ATRNL1: variants seen among roughly 807,000 people sequenced by gnomAD.
ATRNL1 encodes the protein attractin like 1.
Under a neutral mutation model 182.7 loss-of-function variants are expected in ATRNL1, and 95 were observed. The ratio of observed to expected loss-of-function variants is 0.52; its 90% CI spans 0.44 to 0.62. The LOEUF is 0.62. ATRNL1 is among the 20% of genes least tolerant of loss of function. The probability of loss-of-function intolerance (pLI) is 0.00; values close to 1 mark genes in which losing one functional copy is unlikely to be tolerated. For missense variants in ATRNL1, 1,471 were observed against 1,679.5 expected (o/e 0.88, Z 2.17); for synonymous variants, 576 against 568.3 (o/e 1.01, Z -0.19).
intron 28 of ATRNL1, among the ~76,000 whole-genome samples, chr10:115,876,731 T>C (rs192466892): frequency 1.4e-4 from 21 of 152,368 alleles, no homozygotes; most frequent in Admixed American, 2.6e-4. Context: ...GTCGTGTACA[T>C]TGAAAAATAA....
intron 10 of ATRNL1, among the ~76,000 whole-genome samples, chr10:115,255,849 G>A (rs1385963427): frequency 6.6e-6 from 1 of 152,144 alleles, no homozygotes; most frequent in Admixed American, 6.6e-5. Flanking sequence ...TAGCCTGAAG[G>A]GCTGTTGAAT....
intron 26 of ATRNL1, among the ~76,000 whole-genome samples, chr10:115,702,201 T>C (rs1946759153): frequency 6.6e-6 from 1 of 151,854 alleles, no homozygotes; most frequent in Admixed American, 6.6e-5. Flanking sequence ...CCAAAAAGTT[T>C]TCAATAAAAT....
At chr10:115,849,445 C>T (rs1327761274) in intron 28 of ATRNL1, among the ~76,000 whole-genome samples, 1 of 152,150 alleles carries the variant, frequency 6.6e-6, no homozygotes, top group African/African-American at 2.4e-5. Flanking sequence ...CTCGATCCTT[C>T]ACGAGATGGG....
intron 26 of ATRNL1, among the ~76,000 whole-genome samples, chr10:115,564,414 C>A (rs1555000886): frequency 1.3e-5 from 2 of 151,888 alleles, no homozygotes; most frequent in East Asian, 3.9e-4. Flanking sequence ...CCAATTTGTT[C>A]TAGTTCCTTG....
chr10:115,586,497 A>T (rs1555009964), intron 26 of ATRNL1, among the ~76,000 whole-genome samples: 2 of 92,712 alleles, frequency 2.2e-5, no homozygotes, highest in African/African-American at 2.9e-5. Flanking sequence ...ACTTCATTTC[A>T]TTCATTTCGT....
At chr10:115,814,586 C>T (rs782761173) in intron 27 of ATRNL1, among the ~76,000 whole-genome samples, 4 of 152,132 alleles carry the variant, frequency 2.6e-5, no homozygotes, top group Admixed American at 2.0e-4. Flanking sequence ...AGCGATTGCT[C>T]ACTGGACAAG....
chr10:115,773,374 G>A (rs1410336056), intron 27 of ATRNL1, among the ~76,000 whole-genome samples: 1 of 152,120 alleles, frequency 6.6e-6, no homozygotes, highest in Non-Finnish European at 1.5e-5. Flanking sequence ...ACTACAAAGG[G>A]AGCACAAGAA....
At chr10:115,657,659 G>A (rs546875537) in intron 26 of ATRNL1, among the ~76,000 whole-genome samples, 6 of 152,120 alleles carry the variant, frequency 3.9e-5, no homozygotes, top group East Asian at 3.9e-4. Flanking sequence ...TAGAATTCCC[G>A]GCCCATTAAA....
rs199732131 is a variant in ATRNL1, at chr10:115,433,761, TAGA to T, written c.3322+7465_3322+7467del. Among the ~76,000 whole-genome samples, 646 of 152,298 alleles carry T rather than the reference TAGA, an allele frequency of 4.2e-3. 6 individuals carry two copies. The highest frequency in any genetic ancestry group is 0.015 in the African/African-American group (617 of 41,576). On this transcript the variant is annotated intron_variant, in intron 21 of 28. Coordinates refer to ENST00000355044, the MANE Select transcript of ATRNL1 (RefSeq NM_207303.4). Reference sequence around the variant, plus strand: ...GAAAAAAATTGCTATTAAGTTAATGTAGAAGAAGGATGAAAATTTATTTGACTT... The same window carrying T: ...GAAAAAAATTGCTATTAAGTTAATGTAGAAGGATGAAAATTTATTTGACTT...
At chr10:115,908,076 C>A (rs1952556724) in intron 28 of ATRNL1, among the ~76,000 whole-genome samples, 1 of 152,182 alleles carries the variant, frequency 6.6e-6, no homozygotes, top group Non-Finnish European at 1.5e-5. Context: ...AGATCTACTT[C>A]CTACAAGAAA....
chr10:115,879,906 TG>T (rs1951789187), intron 28 of ATRNL1, among the ~76,000 whole-genome samples: 1 of 152,104 alleles, frequency 6.6e-6, no homozygotes, highest in South Asian at 2.1e-4. Flanking sequence ...TGCAGAAGCC[TG>T]GGGTCAGGGT....
rs1845288353 is a variant in ATRNL1 at position 115,414,373 on chromosome 10, C to T, written c.3270-11877C>T. On this transcript the variant is annotated intron_variant, in intron 20 of 28. Coordinates refer to ENST00000355044, the MANE Select transcript of ATRNL1 (RefSeq NM_207303.4). ...TCATTCCTTTTTTCCCTCTTCTCTT[C>T]TTCCCCTTACCTCTCCTCCTATTTC... Among the ~76,000 whole-genome samples the T allele has an allele frequency of 2.0e-5, 3 of 151,160 alleles. No homozygotes were observed. The South Asian group carries it at 6.2e-4, about 31-fold the overall frequency.
intron 24 of ATRNL1, among the ~76,000 whole-genome samples, chr10:115,504,578 C>T (rs1554980829): frequency 6.6e-6 from 1 of 151,966 alleles, no homozygotes; most frequent in African/African-American, 2.4e-5. Context: ...AATTTTGACA[C>T]TGTATAGTAT....
At chr10:115,668,631 G>C (rs1273665663) in intron 26 of ATRNL1, among the ~76,000 whole-genome samples, 1 of 152,070 alleles carries the variant, frequency 6.6e-6, no homozygotes, top group Non-Finnish European at 1.5e-5. Flanking sequence ...ACTCAGTTCT[G>C]TGTTCTGTGT....
At chr10:115,749,400 G>A (rs1166518714) in intron 27 of ATRNL1, among the ~76,000 whole-genome samples, 1 of 151,712 alleles carries the variant, frequency 6.6e-6, no homozygotes, top group Non-Finnish European at 1.5e-5. Flanking sequence ...GGCTGCTTTT[G>A]TGTAGAGCCT....
intron 26 of ATRNL1, among the ~76,000 whole-genome samples, chr10:115,656,553 C>T (rs12254841): frequency 0.013 from 1,912 of 152,268 alleles, 40 homozygotes; most frequent in African/African-American, 0.04. Flanking sequence ...TGGGTACCTG[C>T]GTTGCTGCCC....
chr10:115,214,071 T>C (rs1554895642), intron 8 of ATRNL1, among the ~76,000 whole-genome samples: 2 of 95,454 alleles, frequency 2.1e-5, no homozygotes, highest in Admixed American at 9.2e-5. Flanking sequence ...CACACACATA[T>C]ATATAAACAT....
intron 17 of ATRNL1, among the ~76,000 whole-genome samples, chr10:115,313,801 C>G (rs1471625819): frequency 6.6e-6 from 1 of 152,100 alleles, no homozygotes; most frequent in Non-Finnish European, 1.5e-5. Flanking sequence ...TTTCTCCTCA[C>G]GTGATATATG....
rs182774093 is a variant in ATRNL1 at position 115,574,206 on chromosome 10, A to G, written c.3795+24670A>G. On this transcript the variant is annotated intron_variant, in intron 26 of 28. Coordinates refer to ENST00000355044, the MANE Select transcript of ATRNL1 (RefSeq NM_207303.4). The stretch of plus-strand genomic sequence containing the variant: ...ATAATACATATATATGTGTATCTAT[A>G]TATACAAATATAACTACAGCAATAT... 2.2e-3 allele frequency among the ~76,000 whole-genome samples: 327 copies of G among 151,162 alleles called. 1 individual carries two copies. Among genetic ancestry groups the G allele is most frequent in the African/African-American group, 7.7e-3 (317 of 41,272 alleles).
Sources: allele counts gnomAD v4.1 joint callset (sites outside exome capture counted in the v4.1 genomes callset), GRCh38; gene constraint gnomAD v4.1.1; transcripts MANE v1.5; gene names NCBI Gene and HGNC (gene_info 2026-07-23, HGNC 2026-07-21).